KLHL20: variants seen among roughly 807,000 people sequenced by gnomAD.
KLHL20 encodes the protein kelch like family member 20.
KLHL20 carries 29 observed loss-of-function variants against 69.5 expected under a neutral mutation model. The ratio of observed to expected loss-of-function variants is 0.42; its 90% CI spans 0.31 to 0.57. The LOEUF is 0.57. Ranked by LOEUF, KLHL20 falls within the 20% of genes least tolerant of loss-of-function variation. KLHL20 has a pLI of 0.18. For synonymous variants in KLHL20, 253 were observed against 265.2 expected (o/e 0.95, Z 0.45); for missense variants, 419 against 776.0 (o/e 0.54, Z 5.47).
chr1:173,738,515 G>A (rs1672643549), intron 3 of KLHL20, among the ~76,000 whole-genome samples: 1 of 152,078 alleles, frequency 6.6e-6, no homozygotes, highest in South Asian at 2.1e-4. Context: ...CTTTGCCTAG[G>A]ACTTAAAGTA....
intron 2 of KLHL20, 111 bp from the exon 3 acceptor site, chr1:173,733,602 A>T: frequency 9.9e-7 from 1 of 1,007,742 alleles, no homozygotes; most frequent in Admixed American, 2.6e-5. Context: ...TTAAAAAAAA[A>T]ATCACCAAGC....
At chr1:173,723,044 A>G (rs755999544) in intron 2 of KLHL20, among the ~76,000 whole-genome samples, 1 of 152,190 alleles carries the variant, frequency 6.6e-6, no homozygotes, top group Non-Finnish European at 1.5e-5. Flanking sequence ...CCCACATTGT[A>G]CTTAGGTGAA....
intron 2 of KLHL20, among the ~76,000 whole-genome samples, chr1:173,732,373 A>G (rs1201888246): frequency 6.6e-6 from 1 of 152,172 alleles, no homozygotes; most frequent in African/African-American, 2.4e-5. Context: ...GAATAATCTG[A>G]AAAAGAGAGA....
intron 3 of KLHL20, among the ~76,000 whole-genome samples, chr1:173,750,579 G>A (rs935686255): frequency 3.3e-5 from 5 of 150,086 alleles, no homozygotes; most frequent in African/African-American, 7.4e-5. Context: ...TCTGTCTCCC[G>A]CGTTCAAGTG....
intron 3 of KLHL20, among the ~76,000 whole-genome samples, chr1:173,749,119 C>T (rs931066078): frequency 2.0e-5 from 3 of 152,160 alleles, no homozygotes; most frequent in South Asian, 2.1e-4. Flanking sequence ...TGGAGCTTAA[C>T]ATTTGTGACT....
intron 11 of KLHL20, among the ~76,000 whole-genome samples, chr1:173,784,031 A>T (rs886109517): frequency 2.0e-5 from 3 of 151,920 alleles, no homozygotes; most frequent in Non-Finnish European, 4.4e-5. Flanking sequence ...GTGAGCCGAG[A>T]TCACACCACT....
At chr1:173,717,528 T>C (rs1022859826) in intron 2 of KLHL20, among the ~76,000 whole-genome samples, 3 of 152,220 alleles carry the variant, frequency 2.0e-5, no homozygotes, top group African/African-American at 4.8e-5. Flanking sequence ...CCTTTTCTTA[T>C]TGGGCTGTCA....
At chr1:173,727,237 A>T (rs1357057308) in intron 2 of KLHL20, among the ~76,000 whole-genome samples, 1 of 152,182 alleles carries the variant, frequency 6.6e-6, no homozygotes, top group African/African-American at 2.4e-5. Flanking sequence ...CCTCCAAGAA[A>T]TATCGGAGTA....
intron 6 of KLHL20, among the ~76,000 whole-genome samples, chr1:173,756,243 A>T (rs1673541320): frequency 7.5e-6 from 1 of 132,984 alleles, no homozygotes; most frequent in South Asian, 2.1e-4. Context: ...AACACCTTTA[A>T]TATCTATTTT....
chr1:173,771,478 G>T (rs1476815145), intron 8 of KLHL20, among the ~76,000 whole-genome samples: 1 of 152,068 alleles, frequency 6.6e-6, no homozygotes, highest in Non-Finnish European at 1.5e-5. Flanking sequence ...GGGGAGGGCT[G>T]GGTGTGGTAG....
chr1:173,734,602 T>C (rs1424258455), intron 3 of KLHL20: 1 of 284,082 alleles, frequency 3.5e-6, no homozygotes, highest in Non-Finnish European at 6.7e-6. Context: ...GGATACCTGG[T>C]ATCATGATTT....
At chr1:173,778,545 C>A (rs2102537557) in intron 10 of KLHL20, among the ~76,000 whole-genome samples, 1 of 151,674 alleles carries the variant, frequency 6.6e-6, no homozygotes, top group East Asian at 1.9e-4. Context: ...TGCCATGTTG[C>A]CCAGCCTGGT....
At chr1:173,777,347 T>C (rs1186782982) in intron 10 of KLHL20, among the ~76,000 whole-genome samples, 5 of 152,328 alleles carry the variant, frequency 3.3e-5, no homozygotes, top group South Asian at 4.1e-4. Context: ...AAAATCATAC[T>C]GTAGGCAAAG....
intron 3 of KLHL20, among the ~76,000 whole-genome samples, chr1:173,748,789 C>T (rs1049351534): frequency 1.3e-5 from 2 of 151,906 alleles, no homozygotes; most frequent in African/African-American, 4.8e-5. Context: ...TGCTTCAGAA[C>T]GTTCTTGGAT....
intron 2 of KLHL20, among the ~76,000 whole-genome samples, chr1:173,718,667 G>A (rs1671573756): frequency 6.6e-6 from 1 of 152,224 alleles, no homozygotes; most frequent in South Asian, 2.1e-4. Flanking sequence ...GTTCGAGGCT[G>A]TGGTGATCAT....
At chr1:173,741,785 C>A in intron 3 of KLHL20, 1 of 1,510,266 alleles carries the variant, frequency 6.6e-7, no homozygotes, top group Non-Finnish European at 9.1e-7. Flanking sequence ...ATGTGGAATG[C>A]CCAGGATGCT....
At chr1:173,734,502 G>A (rs1672434381) in intron 3 of KLHL20, 1 of 554,088 alleles carries the variant, frequency 1.8e-6, no homozygotes, top group South Asian at 2.2e-5. Flanking sequence ...CTCCCTAACT[G>A]TATTCATAAA....
intron 11 of KLHL20, 80 bp downstream of exon 11, chr1:173,782,310 A>T: frequency 2.0e-6 from 2 of 1,020,722 alleles, no homozygotes; most frequent in Non-Finnish European, 3.1e-6. Context: ...GACCATCAGA[A>T]CTGGGATGGT....
At chr1:173,759,466 C>T (rs1673696228) in intron 7 of KLHL20, among the ~76,000 whole-genome samples, 1 of 152,142 alleles carries the variant, frequency 6.6e-6, no homozygotes, top group Non-Finnish European at 1.5e-5. Flanking sequence ...ACTAAGGATC[C>T]TCACGGAGTC....
Sources: allele counts gnomAD v4.1 joint callset (sites outside exome capture counted in the v4.1 genomes callset), GRCh38; gene constraint gnomAD v4.1.1; transcripts MANE v1.5; gene names NCBI Gene and HGNC (gene_info 2026-07-23, HGNC 2026-07-21).